UNC13C: variants seen among roughly 807,000 people sequenced by gnomAD.
UNC13C encodes unc-13 homolog C.
A neutral mutation model predicts 245.4 loss-of-function variants in UNC13C; 174 were observed. The observed-to-expected ratio is 0.71, with a 90% CI of 0.63 to 0.80. The LOEUF (loss-of-function observed/expected upper bound fraction) is 0.80, where lower values mean the gene tolerates loss of function less well. Among genes scored for constraint, UNC13C ranks in the 30% least tolerant of loss-of-function variants. The pLI is 0.00. For synonymous variants in UNC13C, 992 were observed against 895.1 expected (o/e 1.11, Z -1.93); for missense variants, 2,829 against 2,602.9 (o/e 1.09, Z -1.89).
downstream of UNC13C, chr15:54,629,886 C>G (rs1901414923): frequency 6.6e-6 from 1 of 152,094 alleles, no homozygotes; most frequent in African/African-American, 2.4e-5. Context: ...TGAATTAAGT[C>G]TATTTATGAC....
intron 19 of UNC13C, among the ~76,000 whole-genome samples, chr15:54,448,909 G>T (rs1183537330): frequency 2.0e-5 from 3 of 152,154 alleles, no homozygotes; most frequent in Admixed American, 6.5e-5. Context: ...GCAGTGGCTG[G>T]TACCGGTTGT....
At chr15:54,118,447 A>T (rs930249389) in intron 2 of UNC13C, among the ~76,000 whole-genome samples, 3 of 151,580 alleles carry the variant, frequency 2.0e-5, no homozygotes, top group Admixed American at 1.3e-4. Context: ...TTTTATTCAG[A>T]TTGTTTGCTG....
At chr15:54,173,188 A>G (rs1436303013) in intron 4 of UNC13C, among the ~76,000 whole-genome samples, 1 of 152,004 alleles carries the variant, frequency 6.6e-6, no homozygotes, top group Non-Finnish European at 1.5e-5. Context: ...TCTTTTTACA[A>G]GGTTATATTG....
rs558148052 is a variant in UNC13C, at chr15:54,059,111, A to T, written c.2983+43225A>T. ...CAACATAGTGTTGGAAGTTCTGGCC[A>T]GGGCAATCAGGCAGGAGAAAGAAAT... On this transcript the variant is annotated intron_variant, in intron 2 of 32. Transcript: ENST00000260323. Among the ~76,000 whole-genome samples, 8 of 152,300 alleles carry T rather than the reference A, an allele frequency of 5.3e-5. 1 individual carries two copies. The highest frequency in any genetic ancestry group is 1.9e-4 in the African/African-American group (8 of 41,574).
At chr15:54,079,882 C>T (rs1378647922) in intron 2 of UNC13C, among the ~76,000 whole-genome samples, 4 of 151,894 alleles carry the variant, frequency 2.6e-5, no homozygotes, top group South Asian at 2.1e-4. Flanking sequence ...ATCCTTGTCT[C>T]GTTCCAGGTT....
At chr15:53,854,085 A>T in the UNC13C span, among the ~76,000 whole-genome samples, 1 of 148,152 alleles carries the variant, frequency 6.7e-6, no homozygotes, top group East Asian at 2.0e-4. Context: ...TATTTCCTGA[A>T]TTGTATTGCC....
chr15:53,866,859 A>G, the UNC13C span, among the ~76,000 whole-genome samples: 1 of 152,246 alleles, frequency 6.6e-6, no homozygotes, highest in African/African-American at 2.4e-5. Flanking sequence ...AGAACCAAAA[A>G]TATGTAAAAC....
chr15:54,321,409 A>G (rs1567185228), intron 13 of UNC13C: 8 of 495,288 alleles, frequency 1.6e-5, no homozygotes, highest in Non-Finnish European at 2.4e-5. Flanking sequence ...TCTTCTCTTG[A>G]GACAGCTCTC....
chr15:54,491,883 C>T (rs1008486885), intron 19 of UNC13C, among the ~76,000 whole-genome samples: 1 of 151,486 alleles, frequency 6.6e-6, no homozygotes, highest in African/African-American at 2.4e-5. Flanking sequence ...CCCAGCTATT[C>T]GGAGAGGCTG....
intron 4 of UNC13C, among the ~76,000 whole-genome samples, chr15:54,211,652 A>T (rs1290835781): frequency 6.6e-6 from 1 of 151,862 alleles, no homozygotes; most frequent in Non-Finnish European, 1.5e-5. Context: ...CCAAAAGTTC[A>T]CTCCCCAACA....
the UNC13C span, among the ~76,000 whole-genome samples, chr15:53,889,433 G>C: frequency 0.28 from 42,281 of 152,014 alleles, 6,193 homozygotes; most frequent in South Asian, 0.36. Flanking sequence ...AGTTGCTTAT[G>C]AGTTTAAGGA....
chr15:53,857,763 A>G, the UNC13C span, among the ~76,000 whole-genome samples: 4 of 152,222 alleles, frequency 2.6e-5, no homozygotes, highest in Non-Finnish European at 5.9e-5. Flanking sequence ...ATGTTGGCAG[A>G]TGATTAGGAG....
At chr15:54,436,184 C>T (rs1339588616) in intron 19 of UNC13C, among the ~76,000 whole-genome samples, 1 of 151,912 alleles carries the variant, frequency 6.6e-6, no homozygotes, top group Non-Finnish European at 1.5e-5. Flanking sequence ...GGCTACTCCT[C>T]AAGGATCTAG....
chr15:54,304,529 C>G (rs970089917), intron 13 of UNC13C, among the ~76,000 whole-genome samples: 3 of 151,864 alleles, frequency 2.0e-5, no homozygotes, highest in African/African-American at 7.3e-5. Flanking sequence ...ACGTCCGTTT[C>G]CTCCCAGCCC....
intron 30 of UNC13C, among the ~76,000 whole-genome samples, chr15:54,581,159 G>C (rs1898182797): frequency 6.6e-6 from 1 of 152,196 alleles, no homozygotes; most frequent in South Asian, 2.1e-4. Flanking sequence ...TGATGGGAGA[G>C]TTGGGAGCCT....
the UNC13C span, among the ~76,000 whole-genome samples, chr15:53,954,627 C>G: frequency 1.3e-5 from 2 of 152,100 alleles, no homozygotes; most frequent in African/African-American, 4.8e-5. Context: ...CCAGGTTTTG[C>G]CGTCTAATTA....
chr15:54,294,107 C>T, intron 11 of UNC13C, 43 bp downstream of exon 11: 4 of 1,445,974 alleles, frequency 2.8e-6, no homozygotes, highest in Non-Finnish European at 3.6e-6. Flanking sequence ...TTAAATAAAA[C>T]CCCTGAATAC....
At chr15:53,971,420 C>A in the UNC13C span, among the ~76,000 whole-genome samples, 2 of 151,980 alleles carry the variant, frequency 1.3e-5, no homozygotes, top group Admixed American at 1.3e-4. Flanking sequence ...GAAGCACAGG[C>A]AACAAAAGCA....
At chr15:54,170,429 T>C (rs955854998) in intron 4 of UNC13C, among the ~76,000 whole-genome samples, 5 of 152,136 alleles carry the variant, frequency 3.3e-5, no homozygotes, top group African/African-American at 7.2e-5. Flanking sequence ...GAAGGGAGTA[T>C]AAATATATAA....
Sources: allele counts gnomAD v4.1 joint callset (sites outside exome capture counted in the v4.1 genomes callset), GRCh38; gene constraint gnomAD v4.1.1; transcripts MANE v1.5; gene names NCBI Gene and HGNC (gene_info 2026-07-23, HGNC 2026-07-21).